Variants in CHSY3 observed in about 807,000 individuals in gnomAD.
CHSY3 encodes chondroitin sulfate synthase 3.
In CHSY3, 35 loss-of-function variants were observed where a neutral mutation model predicts 67.2. The ratio of observed to expected loss-of-function variants is 0.52; its 90% CI spans 0.40 to 0.69. The LOEUF (loss-of-function observed/expected upper bound fraction) is 0.69, where lower values mean the gene tolerates loss of function less well. Ranked by LOEUF, CHSY3 falls within the 30% of genes least tolerant of loss-of-function variation. The probability of loss-of-function intolerance (pLI) is 0.00; values close to 1 mark genes in which losing one functional copy is unlikely to be tolerated. For missense variants in CHSY3, 1,069 were observed against 1,138.5 expected, an observed-to-expected ratio of 0.94 and a Z score of 0.88; for synonymous variants, 474 against 434.7, an observed-to-expected ratio of 1.09 and a Z score of -1.12.
intron 2 of CHSY3, among the ~76,000 whole-genome samples, chr5:129,988,320 C>A (rs1763263130): frequency 6.6e-6 from 1 of 152,202 alleles, no homozygotes; most frequent in Admixed American, 6.5e-5. Context: ...AAAGGCATAG[C>A]TCATTCATCT....
chr5:130,074,272 C>T (rs183927374), intron 2 of CHSY3, among the ~76,000 whole-genome samples: 3 of 151,804 alleles, frequency 2.0e-5, no homozygotes, highest in Admixed American at 1.3e-4. Context: ...AGTTTCACCA[C>T]GTTGGCCAGG....
At chr5:130,006,049 T>C (rs1403814138) in intron 2 of CHSY3, among the ~76,000 whole-genome samples, 1 of 152,136 alleles carries the variant, frequency 6.6e-6, no homozygotes, top group Non-Finnish European at 1.5e-5. Flanking sequence ...CTAATTTGTG[T>C]CAAATTAATA....
intron 2 of CHSY3, among the ~76,000 whole-genome samples, chr5:129,999,242 T>C (rs530649904): frequency 6.6e-6 from 1 of 152,104 alleles, no homozygotes; most frequent in East Asian, 1.9e-4. Flanking sequence ...AATTTCTATA[T>C]ACATATACAC....
chr5:130,185,804 C>G lies in CHSY3; in HGVS notation c.*13C>G, dbSNP rs371632478. ...AACTCTCTCCTGACAGTCCAGGCAA[C>G]ACATTTTGCCTTTTTTAAGGGGAGT... On this transcript the variant is annotated 3_prime_UTR_variant, in exon 3 of 3. Transcript: ENST00000305031. The G allele has an allele frequency of 6.6e-7, 1 of 1,518,030 alleles. No individual in the cohort carries two copies. Among genetic ancestry groups the G allele is most frequent in the African/African-American group, 1.4e-5 (1 of 71,914 alleles). 94.0% of individuals were successfully genotyped at this position (1,518,030 alleles called of 1,614,324 possible).
At chr5:130,081,220 T>C (rs1414051713) in intron 2 of CHSY3, among the ~76,000 whole-genome samples, 2 of 152,056 alleles carry the variant, frequency 1.3e-5, no homozygotes, top group Admixed American at 6.6e-5. Flanking sequence ...TTCTTCCTTG[T>C]TGGATCTGGA....
intron 2 of CHSY3, among the ~76,000 whole-genome samples, chr5:130,053,384 A>T (rs1160721796): frequency 1.3e-5 from 2 of 152,128 alleles, no homozygotes; most frequent in Non-Finnish European, 2.9e-5. Context: ...GGTGAAATGT[A>T]AGAATTAGTG....
chr5:130,163,240 G>A (rs924961370), intron 2 of CHSY3, among the ~76,000 whole-genome samples: 2 of 152,030 alleles, frequency 1.3e-5, no homozygotes, highest in African/African-American at 4.8e-5. Flanking sequence ...AAGAAACACA[G>A]TATTGATTAA....
intron 2 of CHSY3, among the ~76,000 whole-genome samples, chr5:129,920,051 C>G (rs914705681): frequency 3.9e-5 from 6 of 152,098 alleles, no homozygotes; most frequent in Non-Finnish European, 8.8e-5. Flanking sequence ...ATTAAAAAAA[C>G]AAACTTTTTC....
At chr5:130,086,711 T>C (rs184571036) in intron 2 of CHSY3, among the ~76,000 whole-genome samples, 3,442 of 152,214 alleles carry the variant, frequency 0.023, 130 homozygotes, top group African/African-American at 0.076. Context: ...GCTCTGAAAT[T>C]GTGGCAATAA....
At chr5:130,114,671 C>T (rs1467222115) in intron 2 of CHSY3, among the ~76,000 whole-genome samples, 2 of 152,180 alleles carry the variant, frequency 1.3e-5, no homozygotes, top group Non-Finnish European at 2.9e-5. Flanking sequence ...AAAAGAGTCA[C>T]TTAAAGTTTC....
chr5:130,108,104 G>T (rs1234903418), intron 2 of CHSY3, among the ~76,000 whole-genome samples: 1 of 151,594 alleles, frequency 6.6e-6, no homozygotes, highest in African/African-American at 2.4e-5. Flanking sequence ...CAATGGTCTT[G>T]TAAGGTAGGT....
At chr5:129,914,653 C>A (rs370196589) in intron 2 of CHSY3, among the ~76,000 whole-genome samples, 6 of 152,236 alleles carry the variant, frequency 3.9e-5, no homozygotes, top group Non-Finnish European at 7.4e-5. Context: ...CATCATGCAT[C>A]GATTTTGTAA....
At chr5:129,954,741 G>A (rs189827361) in intron 2 of CHSY3, among the ~76,000 whole-genome samples, 5 of 152,038 alleles carry the variant, frequency 3.3e-5, no homozygotes, top group African/African-American at 9.7e-5. Context: ...TCTCTTGGTA[G>A]CAATTGTGAA....
chr5:130,101,756 A>G (rs1164712697), intron 2 of CHSY3, among the ~76,000 whole-genome samples: 2 of 152,112 alleles, frequency 1.3e-5, no homozygotes, highest in African/African-American at 2.4e-5. Flanking sequence ...TGATATCATA[A>G]AAGGGACACT....
chr5:129,966,058 T>G (rs574601677), intron 2 of CHSY3, among the ~76,000 whole-genome samples: 1 of 151,866 alleles, frequency 6.6e-6, no homozygotes, highest in Non-Finnish European at 1.5e-5. Flanking sequence ...ACAACATGCT[T>G]TATTCCAGGT....
intron 2 of CHSY3, among the ~76,000 whole-genome samples, chr5:130,070,551 T>C (rs1431614446): frequency 1.3e-5 from 2 of 152,084 alleles, no homozygotes; most frequent in Non-Finnish European, 1.5e-5. Flanking sequence ...AATGTTCAAT[T>C]AACTATAGAA....
At chr5:130,176,165 G>A (rs139305024) in intron 2 of CHSY3, among the ~76,000 whole-genome samples, 140,147 of 152,182 alleles carry the variant, frequency 0.92, 64,590 homozygotes, top group East Asian at 1. Flanking sequence ...AAAAAAACAA[G>A]CACCCCATCA....
intron 2 of CHSY3, among the ~76,000 whole-genome samples, chr5:130,179,776 T>A (rs1368148393): frequency 6.6e-6 from 1 of 152,218 alleles, no homozygotes; most frequent in Non-Finnish European, 1.5e-5. Flanking sequence ...TTTTTCTTTT[T>A]TAGATAAATG....
intron 2 of CHSY3, among the ~76,000 whole-genome samples, chr5:130,179,007 T>C (rs142739298): frequency 1.3e-5 from 2 of 152,348 alleles, no homozygotes; most frequent in African/African-American, 2.4e-5. Context: ...TTACCACTTA[T>C]CTGTGTGCAG....
Sources: allele counts gnomAD v4.1 joint callset (sites outside exome capture counted in the v4.1 genomes callset), GRCh38; gene constraint gnomAD v4.1.1; transcripts MANE v1.5; gene names NCBI Gene and HGNC (gene_info 2026-07-23, HGNC 2026-07-21).